KAT6B: variants seen among roughly 807,000 people sequenced by gnomAD.
KAT6B encodes histone acetyltransferase KAT6B.
Under a neutral mutation model 187.5 loss-of-function variants are expected in KAT6B, and 10 were observed. The observed-to-expected ratio is 0.05, with a 90% confidence interval of 0.03 to 0.09. The LOEUF (loss-of-function observed/expected upper bound fraction) is 0.09. KAT6B is among the 10% of genes least tolerant of loss of function. The probability of loss-of-function intolerance (pLI) is 1.00; values close to 1 mark genes in which losing one functional copy is unlikely to be tolerated. For missense variants in KAT6B, 1,952 were observed against 2,558.9 expected (o/e 0.76, Z 5.12); for synonymous variants, 861 against 926.8 (o/e 0.93, Z 1.29).
intron 1 of KAT6B, among the ~76,000 whole-genome samples, chr10:74,835,443 T>A (rs989341356): frequency 3.3e-5 from 5 of 152,194 alleles, no homozygotes; most frequent in African/African-American, 1.2e-4. Flanking sequence ...ACAGTTAAAG[T>A]GGAGCTGCAC....
intron 3 of KAT6B, among the ~76,000 whole-genome samples, chr10:74,871,893 A>G (rs1844013356): frequency 6.6e-6 from 1 of 152,178 alleles, no homozygotes; most frequent in Admixed American, 6.5e-5. Context: ...AACTCTCTCT[A>G]GACCTCAATT....
intron 3 of KAT6B, among the ~76,000 whole-genome samples, chr10:74,850,737 T>C (rs1416250017): frequency 6.6e-6 from 1 of 152,254 alleles, no homozygotes; most frequent in Non-Finnish European, 1.5e-5. Flanking sequence ...TCACATATTC[T>C]AAGAGAGACT....
At chr10:74,917,415 C>CATCCAGGATCCAGGAAACA (rs1847772033) in intron 3 of KAT6B, among the ~76,000 whole-genome samples, 2 of 152,194 alleles carry the variant, frequency 1.3e-5, no homozygotes, top group Non-Finnish European at 2.9e-5. Context: ...TCCAGGATCC[C>CATCCAGGATCCAGGAAACA]ACATTACCTT....
intron 13 of KAT6B, among the ~76,000 whole-genome samples, chr10:74,994,588 G>A (rs1033825123): frequency 6.6e-5 from 10 of 151,876 alleles, no homozygotes; most frequent in African/African-American, 2.4e-4. Flanking sequence ...TTCAAGACCA[G>A]CCTGGCCAAC....
upstream of KAT6B, chr10:74,825,494 G>A (rs917206214): frequency 6.5e-6 from 1 of 154,146 alleles, no homozygotes; most frequent in African/African-American, 2.4e-5. The surrounding 1 kb of genome is among the most constrained non-coding windows in gnomAD (Gnocchi z 5.0). Flanking sequence ...GCAGCCCGGA[G>A]CCGAGGAGGA....
chr10:74,839,046 G>A (rs995555898), intron 2 of KAT6B, among the ~76,000 whole-genome samples: 2 of 151,722 alleles, frequency 1.3e-5, no homozygotes, highest in Admixed American at 6.6e-5. Context: ...CCAGCTACTT[G>A]GGAGGCTGAG....
At chr10:74,974,044 TATC>T (rs1398836603) in intron 7 of KAT6B, among the ~76,000 whole-genome samples, 4 of 152,242 alleles carry the variant, frequency 2.6e-5, no homozygotes, top group Admixed American at 6.5e-5. Context: ...ATAAGCATAT[TATC>T]CTTTCTGGGC....
At chr10:74,956,908 G>A (rs903620673) in intron 3 of KAT6B, among the ~76,000 whole-genome samples, 12 of 152,152 alleles carry the variant, frequency 7.9e-5, no homozygotes, top group African/African-American at 2.9e-4. Flanking sequence ...GCATGTTGTT[G>A]GGAAAATGTG....
At chr10:75,020,880 T>G in intron 14 of KAT6B, 67 bp downstream of exon 14, 1 of 1,311,764 alleles carries the variant, frequency 7.6e-7, no homozygotes, top group Non-Finnish European at 1.1e-6. Context: ...TCCCTGGAGA[T>G]AGGTGCATTC....
Position 74,864,582 on chromosome 10 carries a change from C to G in KAT6B, c.621+21104C>G, listed in dbSNP as rs146352507. ...TTGGAGACAGGGTCTTTCTCTGTTG[C>G]CCAGGCTGGTGTGCAGTAGTGTGAT... On this transcript the variant is annotated intron_variant, in intron 3 of 17. Coordinates refer to ENST00000287239, the MANE Select transcript of KAT6B (RefSeq NM_012330.4). Among the ~76,000 whole-genome samples, 271 of 151,968 alleles carry G rather than the reference C, an allele frequency of 1.8e-3. 3 individuals carry two copies. The highest frequency in any genetic ancestry group is 6.0e-3 in the African/African-American group (249 of 41,430).
chr10:74,985,874 A>G (rs1001777015), intron 12 of KAT6B, among the ~76,000 whole-genome samples: 2 of 152,024 alleles, frequency 1.3e-5, no homozygotes, highest in Admixed American at 6.6e-5. Flanking sequence ...GTGAAACCCC[A>G]TCTCTACTAA....
At chr10:74,875,068 G>C (rs1253750877) in intron 3 of KAT6B, among the ~76,000 whole-genome samples, 1 of 152,086 alleles carries the variant, frequency 6.6e-6, no homozygotes, top group African/African-American at 2.4e-5. Context: ...GTTTACTCCT[G>C]GTGTTGTATA....
At chr10:74,948,308 G>A (rs1487497473) in intron 3 of KAT6B, among the ~76,000 whole-genome samples, 2 of 152,210 alleles carry the variant, frequency 1.3e-5, no homozygotes, top group African/African-American at 4.8e-5. Context: ...CATACTTTGG[G>A]TGCTGAGTAA....
intron 11 of KAT6B, 90 bp from the exon 12 acceptor site, chr10:74,984,990 A>G: frequency 8.6e-7 from 1 of 1,162,332 alleles, no homozygotes; most frequent in African/African-American, 1.5e-5. Flanking sequence ...AAATAAAATG[A>G]TGTACTTTCT....
rs576490578 is a variant in KAT6B at position 74,950,049 on chromosome 10, C to T, written c.622-9921C>T. On this transcript the variant is annotated intron_variant, in intron 3 of 17. Transcript: ENST00000287239. ...GATGATATAGTGCTCCCTCACAGAA[C>T]CAATTACCCACAGAGAAGTATAATG... Among the ~76,000 whole-genome samples the T allele has an allele frequency of 1.4e-4, 22 of 152,124 alleles. No individual in the cohort carries two copies. The South Asian group carries it at 4.6e-3, about 32-fold the overall frequency.
chr10:74,962,270 G>A (rs967178225), intron 4 of KAT6B, among the ~76,000 whole-genome samples: 1 of 152,190 alleles, frequency 6.6e-6, no homozygotes, highest in African/African-American at 2.4e-5. Flanking sequence ...GTTCATTTTA[G>A]GGAGTTTGGG....
intron 3 of KAT6B, among the ~76,000 whole-genome samples, chr10:74,935,328 T>C (rs758724562): frequency 2.0e-5 from 3 of 152,228 alleles, no homozygotes; most frequent in Non-Finnish European, 2.9e-5. Context: ...GCTACATAAT[T>C]TGGAAAAGTA....
chr10:74,952,263 G>C (rs1195505903), intron 3 of KAT6B, among the ~76,000 whole-genome samples: 2 of 122,078 alleles, frequency 1.6e-5, no homozygotes, highest in Non-Finnish European at 3.4e-5. Flanking sequence ...GCTGAGGCGG[G>C]AGGATCACTT....
chr10:74,860,192 C>T (rs900251270), intron 3 of KAT6B, among the ~76,000 whole-genome samples: 1 of 152,002 alleles, frequency 6.6e-6, no homozygotes, highest in Non-Finnish European at 1.5e-5. Flanking sequence ...AGTGCCTTCT[C>T]TCTCCTGAAA....
Sources: gnomAD v4.1 joint callset for allele counts (sites outside exome capture counted in the v4.1 genomes callset) on GRCh38, gnomAD v4.1.1 for gene constraint, Gnocchi (gnomAD v3.1) non-coding constraint, MANE v1.5 for transcripts, NCBI Gene and HGNC (gene_info 2026-07-23, HGNC 2026-07-21) for gene names.